LUZP2: variants seen among roughly 807,000 people sequenced by gnomAD.
The protein encoded by LUZP2 is leucine zipper protein 2.
Under a neutral mutation model 51.6 loss-of-function variants are expected in LUZP2, and 52 were observed. The observed-to-expected ratio is 1.01, with a 90% CI of 0.81 to 1.27. The LOEUF is 1.27. LUZP2 is among the 50% of genes most tolerant of loss of function. The probability of loss-of-function intolerance (pLI) is 0.00; values close to 1 mark genes in which losing one functional copy is unlikely to be tolerated. For missense variants in LUZP2, 436 were observed against 395.4 expected (o/e 1.10, Z -0.87); for synonymous variants, 154 against 137.3 (o/e 1.12, Z -0.85).
At chr11:24,712,143 G>A (rs1857851052) in intron 1 of LUZP2, among the ~76,000 whole-genome samples, 1 of 152,100 alleles carries the variant, frequency 6.6e-6, no homozygotes, top group Admixed American at 6.5e-5. Flanking sequence ...TAATTTGGCT[G>A]GACTCAGTTG....
At chr11:24,633,626 G>A (rs898912405) in intron 1 of LUZP2, among the ~76,000 whole-genome samples, 19 of 152,014 alleles carry the variant, frequency 1.2e-4, no homozygotes, top group African/African-American at 4.3e-4. Context: ...AATAAAATAT[G>A]TTTAAAATAA....
chr11:24,694,941 G>C (rs539418585), intron 1 of LUZP2, among the ~76,000 whole-genome samples: 6 of 151,838 alleles, frequency 4.0e-5, no homozygotes, highest in Non-Finnish European at 7.4e-5. Flanking sequence ...TAGGGGGCAA[G>C]GGGAGGGAGA....
At chr11:24,765,268 G>A (rs190466588) in intron 5 of LUZP2, among the ~76,000 whole-genome samples, 22 of 152,194 alleles carry the variant, frequency 1.4e-4, no homozygotes, top group Middle Eastern at 3.4e-3. Flanking sequence ...AAGATTTTCC[G>A]TTCAGGCATA....
intron 11 of LUZP2, among the ~76,000 whole-genome samples, chr11:25,077,718 G>A (rs574037389): frequency 2.0e-5 from 3 of 151,808 alleles, no homozygotes; most frequent in East Asian, 1.9e-4. Context: ...GGATGGTCTC[G>A]ATTTCCTGAC....
intron 1 of LUZP2, among the ~76,000 whole-genome samples, chr11:24,622,567 C>A (rs188402677): frequency 5.9e-5 from 9 of 152,082 alleles, no homozygotes; most frequent in African/African-American, 1.4e-4. Flanking sequence ...AGGGTCTTAT[C>A]ACAATGATAA....
At chr11:24,569,765 T>G (rs1172885849) in intron 1 of LUZP2, among the ~76,000 whole-genome samples, 1 of 151,968 alleles carries the variant, frequency 6.6e-6, no homozygotes, top group Non-Finnish European at 1.5e-5. Flanking sequence ...AGATGCTGAA[T>G]GAGCACCTAA....
intron 9 of LUZP2, among the ~76,000 whole-genome samples, chr11:25,045,684 G>T (rs1166716263): frequency 6.6e-6 from 1 of 152,082 alleles, no homozygotes; most frequent in African/African-American, 2.4e-5. Context: ...GAATATCTAT[G>T]CTAAAATCAA....
intron 4 of LUZP2, among the ~76,000 whole-genome samples, chr11:24,743,203 TG>T (rs1244875851): frequency 3.9e-5 from 6 of 152,206 alleles, no homozygotes; most frequent in South Asian, 2.1e-4. Flanking sequence ...ATTTTAGAAT[TG>T]TTTTTTTCTA....
intron 1 of LUZP2, among the ~76,000 whole-genome samples, chr11:24,508,617 G>A (rs1425486068): frequency 6.6e-6 from 1 of 152,048 alleles, no homozygotes; most frequent in African/African-American, 2.4e-5. Context: ...GCTGACCTGT[G>A]TTCTAATTAT....
At chr11:24,762,963 G>A (rs951521820) in intron 4 of LUZP2, 4 of 961,116 alleles carry the variant, frequency 4.2e-6, no homozygotes, top group African/African-American at 3.5e-5. Flanking sequence ...AGGAAATGAA[G>A]TTTATCCAGG....
At chr11:24,800,709 AT>A (rs369248114) in intron 5 of LUZP2, among the ~76,000 whole-genome samples, 83 of 152,162 alleles carry the variant, frequency 5.5e-4, no homozygotes, top group African/African-American at 1.9e-3. Flanking sequence ...CTGGAACTTT[AT>A]TTAAAACACA....
At chr11:24,898,994 A>G (rs1853182798) in intron 5 of LUZP2, among the ~76,000 whole-genome samples, 3 of 152,164 alleles carry the variant, frequency 2.0e-5, no homozygotes, top group South Asian at 4.1e-4. Context: ...AGTTTTACTA[A>G]CTTATTTTTC....
intron 5 of LUZP2, among the ~76,000 whole-genome samples, chr11:24,831,656 G>A (rs1045453713): frequency 4.6e-5 from 7 of 152,094 alleles, no homozygotes; most frequent in African/African-American, 1.4e-4. Context: ...TGCTATGAAC[G>A]TTGTAGCATG....
rs1482253731 is a variant in LUZP2, at chr11:24,526,528, T to C, written c.62+29223T>C. On this transcript the variant is annotated intron_variant, in intron 1 of 11. Coordinates refer to ENST00000336930, the MANE Select transcript of LUZP2 (RefSeq NM_001009909.4). ...GATATCAATTATAATTATCAATGTT[T>C]ATTTAGTCTGGATCTATGATCACAA... is the stretch of plus-strand genomic sequence containing the variant. 2.0e-5 allele frequency among the ~76,000 whole-genome samples: 3 copies of C among 151,328 alleles called. No individual in the cohort carries two copies. In the South Asian group the frequency reaches 6.2e-4, roughly 31 times the overall value.
chr11:25,070,078 G>T (rs1459683776), intron 10 of LUZP2, among the ~76,000 whole-genome samples: 1 of 151,900 alleles, frequency 6.6e-6, no homozygotes, highest in African/African-American at 2.4e-5. Flanking sequence ...ATTGAGCTGA[G>T]TGAGGACTAA....
At chr11:24,605,743 C>T (rs1484266416) in intron 1 of LUZP2, among the ~76,000 whole-genome samples, 2 of 151,690 alleles carry the variant, frequency 1.3e-5, no homozygotes, top group Non-Finnish European at 3.0e-5. Context: ...TTAAGATATA[C>T]TCTCTTAGGA....
chr11:24,926,667 A>ATATG (rs139020713), intron 7 of LUZP2, among the ~76,000 whole-genome samples: 2 of 146,160 alleles, frequency 1.4e-5, no homozygotes, highest in African/African-American at 2.5e-5. Flanking sequence ...GTATATATAT[A>ATATG]TGTGTGTGTG....
At chr11:24,670,312 A>G (rs907146769) in intron 1 of LUZP2, among the ~76,000 whole-genome samples, 3 of 152,092 alleles carry the variant, frequency 2.0e-5, no homozygotes, top group African/African-American at 7.2e-5. Flanking sequence ...TTTCTTGTGT[A>G]AGGATGACTA....
chr11:24,706,585 G>T (rs113255641), intron 1 of LUZP2, among the ~76,000 whole-genome samples: 1,583 of 152,150 alleles, frequency 0.01, 32 homozygotes, highest in African/African-American at 0.035. Context: ...AGATTAAAGT[G>T]CAGCCTAAAC....
Sources: gnomAD v4.1 joint callset for allele counts (sites outside exome capture counted in the v4.1 genomes callset) on GRCh38, gnomAD v4.1.1 for gene constraint, MANE v1.5 for transcripts, NCBI Gene and HGNC (gene_info 2026-07-23, HGNC 2026-07-21) for gene names.